MECOM: variants seen among roughly 807,000 people sequenced by gnomAD.
MECOM encodes the protein histone-lysine N-methyltransferase MECOM.
MECOM carries 13 observed loss-of-function variants against 116.3 expected under a neutral mutation model. The ratio of observed to expected loss-of-function variants is 0.11; its 90% CI spans 0.07 to 0.18. The LOEUF is 0.18. Among genes scored for constraint, MECOM ranks in the 10% least tolerant of loss-of-function variants. MECOM has a pLI of 1.00. For missense variants in MECOM, 1,299 were observed against 1,509.0 expected, an observed-to-expected ratio of 0.86 and a Z score of 2.31; for synonymous variants, 528 against 535.2, an observed-to-expected ratio of 0.99 and a Z score of 0.19.
intron 2 of MECOM, among the ~76,000 whole-genome samples, chr3:169,288,244 C>A (rs116329959): frequency 0.032 from 4,857 of 150,214 alleles, 230 homozygotes; most frequent in African/African-American, 0.11. Context: ...AAAAAAAAAT[C>A]TTGATAATTT....
intron 2 of MECOM, among the ~76,000 whole-genome samples, chr3:169,246,547 G>A (rs1346156126): frequency 7.3e-5 from 3 of 40,848 alleles, no homozygotes; most frequent in Admixed American, 2.6e-4. Context: ...TTTTTTTTTT[G>A]AGACGGAGTC....
intron 14 of MECOM, 130 bp downstream of exon 14, chr3:169,092,828 T>G (rs1296070699): frequency 1.1e-6 from 1 of 950,376 alleles, no homozygotes; most frequent in African/African-American, 1.7e-5. Context: ...GTATTTAATA[T>G]GTACTAAATA....
intron 1 of MECOM, among the ~76,000 whole-genome samples, chr3:169,529,674 T>G (rs1221696630): frequency 6.6e-6 from 1 of 152,238 alleles, no homozygotes; most frequent in East Asian, 1.9e-4. Context: ...TAGCTGGGCC[T>G]GATTTTCATG....
intron 2 of MECOM, among the ~76,000 whole-genome samples, chr3:169,220,807 G>A (rs1309412499): frequency 1.3e-5 from 2 of 151,960 alleles, no homozygotes; most frequent in African/African-American, 4.8e-5. Flanking sequence ...CTTTTTTATT[G>A]TCTTTTCTCA....
chr3:169,425,682 A>C (rs887740702), intron 1 of MECOM, among the ~76,000 whole-genome samples: 2 of 152,160 alleles, frequency 1.3e-5, no homozygotes, highest in Non-Finnish European at 2.9e-5. Flanking sequence ...GCATATTTAA[A>C]AGCCCACATT....
At chr3:169,202,967 G>T (rs144228395) in intron 2 of MECOM, among the ~76,000 whole-genome samples, 2,133 of 151,882 alleles carry the variant, frequency 0.014, 34 homozygotes, top group Non-Finnish European at 0.021. Context: ...ATCAAATAAA[G>T]TTCTAAAATA....
chr3:169,634,073 G>T (rs1471753713), intron 1 of MECOM, among the ~76,000 whole-genome samples: 2 of 152,152 alleles, frequency 1.3e-5, no homozygotes, highest in Non-Finnish European at 2.9e-5. Context: ...TGCAGGGACA[G>T]CAGGAGCAAG....
intron 9 of MECOM, among the ~76,000 whole-genome samples, chr3:169,110,279 A>G (rs1726914770): frequency 2.0e-5 from 3 of 152,150 alleles, no homozygotes; most frequent in Non-Finnish European, 4.4e-5. Flanking sequence ...GGCCCTGGCA[A>G]AGAAATTGGG....
chr3:169,363,457 A>C (rs906757270), intron 2 of MECOM, among the ~76,000 whole-genome samples: 7 of 151,948 alleles, frequency 4.6e-5, no homozygotes, highest in Non-Finnish European at 8.8e-5. Context: ...TCTGGCTAAC[A>C]ACACGTGCGC....
At chr3:169,378,509 G>A (rs1179543548) in intron 2 of MECOM, among the ~76,000 whole-genome samples, 1 of 28,068 alleles carries the variant, frequency 3.6e-5, no homozygotes, top group Non-Finnish European at 6.3e-5. Flanking sequence ...AAGAAAGAAA[G>A]AAAGAAAAGA....
intron 2 of MECOM, among the ~76,000 whole-genome samples, chr3:169,242,574 A>G (rs1490392629): frequency 6.6e-6 from 1 of 152,092 alleles, no homozygotes; most frequent in African/African-American, 2.4e-5. Flanking sequence ...GCCAACCACA[A>G]CATGCTACCC....
intron 2 of MECOM, among the ~76,000 whole-genome samples, chr3:169,318,827 A>G (rs1271002300): frequency 6.6e-6 from 1 of 152,174 alleles, no homozygotes; most frequent in Non-Finnish European, 1.5e-5. Flanking sequence ...GGCTGGGCAC[A>G]ATGGCTCATG....
At chr3:169,107,125 A>G (rs533660077) in intron 10 of MECOM, among the ~76,000 whole-genome samples, 1 of 152,302 alleles carries the variant, frequency 6.6e-6, no homozygotes, top group East Asian at 1.9e-4. Flanking sequence ...GGACAGCTAA[A>G]CTATATCCCA....
chr3:169,596,537 T>C (rs1310496137), intron 1 of MECOM, among the ~76,000 whole-genome samples: 1 of 152,200 alleles, frequency 6.6e-6, no homozygotes, highest in Non-Finnish European at 1.5e-5. Context: ...GAAATCTATT[T>C]TGCGTACAAG....
intron 2 of MECOM, among the ~76,000 whole-genome samples, chr3:169,199,095 T>G (rs538345551): frequency 6.6e-6 from 1 of 152,212 alleles, no homozygotes; most frequent in East Asian, 1.9e-4. Flanking sequence ...AATTTAAAAC[T>G]GATATTTCAG....
At chr3:169,403,574 A>G (rs559928741) in intron 1 of MECOM, among the ~76,000 whole-genome samples, 1 of 152,380 alleles carries the variant, frequency 6.6e-6, no homozygotes, top group East Asian at 1.9e-4. Flanking sequence ...TTTAAGAAAT[A>G]TAAAAGGAAG....
chr3:169,491,721 T>G (rs1753113971), intron 1 of MECOM, among the ~76,000 whole-genome samples: 1 of 152,172 alleles, frequency 6.6e-6, no homozygotes. Context: ...TGTAAGACAT[T>G]TGTACCAACC....
At chr3:169,472,560 G>GAAAAGAAA (rs1749600941) in intron 1 of MECOM, among the ~76,000 whole-genome samples, 1 of 50,974 alleles carries the variant, frequency 2.0e-5, no homozygotes, top group Non-Finnish European at 3.6e-5. Context: ...AAAGAAAAGA[G>GAAAAGAAA]AGGAGAGGAG....
chr3:169,596,381 A>G (rs1463310605), intron 1 of MECOM, among the ~76,000 whole-genome samples: 1 of 152,196 alleles, frequency 6.6e-6, no homozygotes, highest in Non-Finnish European at 1.5e-5. Context: ...GGCAAACGTA[A>G]TATCTCTGAG....
Sources: allele counts gnomAD v4.1 joint callset (sites outside exome capture counted in the v4.1 genomes callset), GRCh38; gene constraint gnomAD v4.1.1; transcripts MANE v1.5; gene names NCBI Gene and HGNC (gene_info 2026-07-23, HGNC 2026-07-21).